CFAP20DC: variants seen among roughly 807,000 people sequenced by gnomAD.
CFAP20DC encodes the protein CFAP20 domain containing.
Under a neutral mutation model 101.7 loss-of-function variants are expected in CFAP20DC, and 84 were observed. The observed-to-expected ratio is 0.83, with a 90% CI of 0.69 to 0.99. CFAP20DC has a LOEUF of 0.99. CFAP20DC is among the 50% of genes least tolerant of loss of function. The pLI is 0.00. For missense variants in CFAP20DC, 1,007 were observed against 970.3 expected (o/e 1.04, Z -0.50); for synonymous variants, 359 against 351.2 (o/e 1.02, Z -0.25).
intron 4 of CFAP20DC, among the ~76,000 whole-genome samples, chr3:58,962,395 A>C (rs1166370505): frequency 1.3e-5 from 2 of 152,174 alleles, no homozygotes; most frequent in Non-Finnish European, 2.9e-5. Context: ...GTATAATTTC[A>C]ATCATTTTAA....
intron 5 of CFAP20DC, among the ~76,000 whole-genome samples, chr3:58,922,574 T>C (rs2085505193): frequency 6.6e-6 from 1 of 152,182 alleles, no homozygotes; most frequent in African/African-American, 2.4e-5. Flanking sequence ...TTTCTTTCTC[T>C]GTCTCCCTTG....
intron 4 of CFAP20DC, among the ~76,000 whole-genome samples, chr3:59,016,082 A>C (rs1182051120): frequency 3.9e-5 from 6 of 152,088 alleles, no homozygotes; most frequent in African/African-American, 1.4e-4. Context: ...TGACCTGCTA[A>C]AAATATGGAT....
chr3:58,814,770 G>A (rs2074977637), intron 14 of CFAP20DC, among the ~76,000 whole-genome samples: 2 of 150,790 alleles, frequency 1.3e-5, no homozygotes, highest in South Asian at 4.2e-4. Context: ...GCTTCAAAGA[G>A]AAGAAAATAC....
At chr3:58,807,176 C>T (rs994912202) in intron 14 of CFAP20DC, among the ~76,000 whole-genome samples, 7 of 152,216 alleles carry the variant, frequency 4.6e-5, no homozygotes, top group South Asian at 4.1e-4. Flanking sequence ...CCTCTGCAGA[C>T]GTAAGTGTCC....
Position 58,937,752 on chromosome 3 carries a change from A to C in CFAP20DC, c.289T>G (p.Leu97Val). 2 of 1,573,958 alleles carry C rather than the reference A, an allele frequency of 1.3e-6. No homozygotes were observed. Among genetic ancestry groups the C allele is most frequent in the Non-Finnish European group, 1.7e-6 (2 of 1,144,220 alleles). The change falls in exon 5 of 17, where the codon TTA becomes GTA. Residue 97 changes from leucine (L) to valine (V), a missense_variant. Physicochemically the swap from Leu to Val is conservative, Grantham distance 32 (BLOSUM62 1). Transcript: ENST00000482387. ...TATAATCTTCTTTTGATGTTCCCTA[A>C]ATCAGTAATTCTGAAAACATGGAGG... Reference protein sequence around the residue: ...DFSTELLITDLGNIKRRLYLS... With the variant: ...DFSTELLITDVGNIKRRLYLS...
intron 4 of CFAP20DC, among the ~76,000 whole-genome samples, chr3:58,943,246 T>G (rs1328568636): frequency 6.6e-6 from 1 of 152,132 alleles, no homozygotes; most frequent in Non-Finnish European, 1.5e-5. Flanking sequence ...ACGCCTCAAG[T>G]GGGTCCCTGA....
intron 14 of CFAP20DC, among the ~76,000 whole-genome samples, chr3:58,810,107 C>A (rs1042022949): frequency 5.9e-5 from 9 of 152,222 alleles, no homozygotes; most frequent in Non-Finnish European, 1.2e-4. Flanking sequence ...GACTCACAGC[C>A]GAATTCTATC....
chr3:58,817,122 C>T (rs2075247743), intron 14 of CFAP20DC, among the ~76,000 whole-genome samples: 1 of 151,910 alleles, frequency 6.6e-6, no homozygotes, highest in Non-Finnish European at 1.5e-5. Context: ...AGGACATCCA[C>T]ACCGAAAACC....
intron 4 of CFAP20DC, among the ~76,000 whole-genome samples, chr3:59,022,298 A>T (rs2093816831): frequency 1.3e-5 from 2 of 152,070 alleles, no homozygotes; most frequent in African/African-American, 4.8e-5. Flanking sequence ...GCCACTAAGA[A>T]ACTGCATCCT....
chr3:58,950,366 C>T (rs1312473330), intron 4 of CFAP20DC, among the ~76,000 whole-genome samples: 1 of 152,148 alleles, frequency 6.6e-6, no homozygotes, highest in African/African-American at 2.4e-5. Flanking sequence ...ATGCCAACCC[C>T]ATCAAGCTAC....
At chr3:58,777,560 G>A (rs13326196) in intron 15 of CFAP20DC, among the ~76,000 whole-genome samples, 1 of 152,034 alleles carries the variant, frequency 6.6e-6, no homozygotes, top group South Asian at 2.1e-4. Context: ...TGATATCTAT[G>A]GAATATATTT....
Position 58,722,798 on chromosome 3 carries a change from C to T in CFAP20DC, c.198-5170G>A, listed in dbSNP as rs555186762. On this transcript the variant is annotated intron_variant, in intron 3 of 3. Coordinates refer to the CFAP20DC transcript ENST00000486145. This position sits in a 1 kb window ranked among gnomAD's most constrained non-coding sequence, Gnocchi z 4.5. Reference sequence around the variant, plus strand: ...TGCCAAGAGAGATAAACAGTCTCATCTTGCACTGCATTTGGATTCAGTGTC... The same window carrying T: ...TGCCAAGAGAGATAAACAGTCTCATTTTGCACTGCATTTGGATTCAGTGTC... Among the ~76,000 whole-genome samples the T allele has an allele frequency of 2.4e-4, 37 of 152,340 alleles. No individual in the cohort carries two copies. Among genetic ancestry groups the T allele is most frequent in the African/African-American group, 8.9e-4 (37 of 41,582 alleles).
intron 4 of CFAP20DC, among the ~76,000 whole-genome samples, chr3:59,012,156 C>A (rs2093597452): frequency 6.6e-6 from 1 of 151,870 alleles, no homozygotes; most frequent in East Asian, 1.9e-4. Context: ...TTATGAGAAG[C>A]ACAGAAGATG....
intron 15 of CFAP20DC, among the ~76,000 whole-genome samples, chr3:58,798,183 C>T (rs1053541080): frequency 6.2e-5 from 9 of 145,226 alleles, no homozygotes; most frequent in Non-Finnish European, 1.4e-4. Flanking sequence ...ATAGTGATTC[C>T]TCTGATAAAT....
chr3:58,809,739 CT>C (rs2074442146), intron 14 of CFAP20DC, among the ~76,000 whole-genome samples: 1 of 152,042 alleles, frequency 6.6e-6, no homozygotes, highest in Admixed American at 6.6e-5. Flanking sequence ...ACAAAAAACG[CT>C]TTCAAAAATT....
chr3:58,945,760 G>A (rs985765385), intron 4 of CFAP20DC, among the ~76,000 whole-genome samples: 28 of 150,480 alleles, frequency 1.9e-4, no homozygotes, highest in African/African-American at 5.9e-4. Context: ...CCAGTGGCGC[G>A]ATGTCGGCTC....
At chr3:58,838,194 A>G (rs1358711212) in intron 13 of CFAP20DC, among the ~76,000 whole-genome samples, 1 of 152,168 alleles carries the variant, frequency 6.6e-6, no homozygotes, top group Non-Finnish European at 1.5e-5. Flanking sequence ...AAGCTTAAAG[A>G]CCAAGCCACG....
intron 13 of CFAP20DC, among the ~76,000 whole-genome samples, chr3:58,834,010 A>G (rs2076571134): frequency 6.6e-6 from 1 of 152,170 alleles, no homozygotes; most frequent in Non-Finnish European, 1.5e-5. Context: ...ACAGAGACAG[A>G]AAATAGATTA....
intron 15 of CFAP20DC, among the ~76,000 whole-genome samples, chr3:58,800,085 C>T (rs1169836413): frequency 6.6e-6 from 1 of 152,124 alleles, no homozygotes; most frequent in Non-Finnish European, 1.5e-5. Context: ...AGGTGGGCTT[C>T]CAGGGCCCCA....
Sources: gnomAD v4.1 joint callset for allele counts (sites outside exome capture counted in the v4.1 genomes callset) on GRCh38, gnomAD v4.1.1 for gene constraint, Gnocchi (gnomAD v3.1) non-coding constraint, MANE v1.5 for transcripts, NCBI Gene and HGNC (gene_info 2026-07-23, HGNC 2026-07-21) for gene names.